The following CNTNAP2 variants were observed in gnomAD, a reference collection of about 807,000 sequenced individuals.
The protein encoded by CNTNAP2 is contactin associated protein 2, also known as contactin-associated protein-like 2.
CNTNAP2 carries 98 observed loss-of-function variants against 155.2 expected under a neutral mutation model. The observed-to-expected ratio is 0.63, with a 90% CI of 0.54 to 0.75. The LOEUF (loss-of-function observed/expected upper bound fraction) is 0.75, where lower values mean the gene tolerates loss of function less well. Among genes scored for constraint, CNTNAP2 ranks in the 30% least tolerant of loss-of-function variants. The probability of loss-of-function intolerance (pLI) is 0.00; values close to 1 mark genes in which losing one functional copy is unlikely to be tolerated. For missense variants in CNTNAP2, 1,727 were observed against 1,688.1 expected, an observed-to-expected ratio of 1.02 and a Z score of -0.40; for synonymous variants, 651 against 631.2, an observed-to-expected ratio of 1.03 and a Z score of -0.47.
At chr7:147,874,232 G>C (rs763265726) in intron 13 of CNTNAP2, among the ~76,000 whole-genome samples, 1 of 152,196 alleles carries the variant, frequency 6.6e-6, no homozygotes, top group Non-Finnish European at 1.5e-5. Flanking sequence ...AACTCTGTGT[G>C]GGGGGTTCCA....
At chr7:147,524,035 T>C (rs1409124266) in intron 11 of CNTNAP2, among the ~76,000 whole-genome samples, 1 of 152,160 alleles carries the variant, frequency 6.6e-6, no homozygotes, top group African/African-American at 2.4e-5. Context: ...ACAGATGACT[T>C]CGGAATGTGT....
intron 10 of CNTNAP2, among the ~76,000 whole-genome samples, chr7:147,458,358 C>A (rs933050798): frequency 6.6e-6 from 1 of 151,946 alleles, no homozygotes; most frequent in South Asian, 2.1e-4. Context: ...AATCAAATTG[C>A]AAGCTCTTGA....
At chr7:146,254,888 T>TA (rs149025360) in intron 1 of CNTNAP2, among the ~76,000 whole-genome samples, 3,035 of 151,734 alleles carry the variant, frequency 0.02, 87 homozygotes, top group African/African-American at 0.067. Flanking sequence ...TGGTATCATT[T>TA]AAAAAAAATA....
chr7:146,914,788 A>G (rs1796361186), intron 3 of CNTNAP2, among the ~76,000 whole-genome samples: 1 of 152,018 alleles, frequency 6.6e-6, no homozygotes, highest in African/African-American at 2.4e-5. Context: ...CTGTGCAGAA[A>G]GAAGCTCTTT....
intron 3 of CNTNAP2, among the ~76,000 whole-genome samples, chr7:147,042,409 A>G (rs999412605): frequency 6.6e-6 from 1 of 152,282 alleles, no homozygotes; most frequent in Non-Finnish European, 1.5e-5. Flanking sequence ...TAGGCCTTAC[A>G]TTACACATTT....
At chr7:146,631,109 C>G (rs1234830473) in intron 1 of CNTNAP2, among the ~76,000 whole-genome samples, 3 of 152,066 alleles carry the variant, frequency 2.0e-5, no homozygotes, top group Admixed American at 6.6e-5. Context: ...CAAGACAATC[C>G]TAAGCAAAAA....
At chr7:146,917,156 A>C (rs576861857) in intron 3 of CNTNAP2, among the ~76,000 whole-genome samples, 1 of 152,194 alleles carries the variant, frequency 6.6e-6, no homozygotes, top group African/African-American at 2.4e-5. Flanking sequence ...TTGATTTCAA[A>C]TTTTATTCCA....
At chr7:148,234,924 A>G (rs1192939572) in intron 20 of CNTNAP2, among the ~76,000 whole-genome samples, 1 of 152,212 alleles carries the variant, frequency 6.6e-6, no homozygotes, top group African/African-American at 2.4e-5. Flanking sequence ...ACAGATGGTA[A>G]GGATGTATCA....
At chr7:147,614,675 A>G (rs1292380131) in intron 12 of CNTNAP2, among the ~76,000 whole-genome samples, 1 of 151,744 alleles carries the variant, frequency 6.6e-6, no homozygotes, top group Non-Finnish European at 1.5e-5. Flanking sequence ...AATGTTGACT[A>G]GAAACAGTGA....
chr7:147,202,210 G>C (rs1162895600), intron 8 of CNTNAP2, among the ~76,000 whole-genome samples: 1 of 147,656 alleles, frequency 6.8e-6, no homozygotes, highest in Non-Finnish European at 1.5e-5. Context: ...TAATAAAATA[G>C]TCTAACATCC....
chr7:146,959,458 A>T (rs936457499), intron 3 of CNTNAP2, among the ~76,000 whole-genome samples: 53 of 152,028 alleles, frequency 3.5e-4, no homozygotes, highest in Admixed American at 3.5e-3. Context: ...GGTGGCTCAC[A>T]TCTGTAATCC....
At chr7:147,644,022 G>A (rs1795326665) in intron 13 of CNTNAP2, among the ~76,000 whole-genome samples, 1 of 152,050 alleles carries the variant, frequency 6.6e-6, no homozygotes, top group Admixed American at 6.5e-5. Context: ...CAGTATTTAT[G>A]GTCATGTCCA....
chr7:146,479,367 C>T (rs1796925900), intron 1 of CNTNAP2, among the ~76,000 whole-genome samples: 1 of 152,138 alleles, frequency 6.6e-6, no homozygotes, highest in South Asian at 2.1e-4. Context: ...TATATATTGA[C>T]ATTTCTTATT....
At chr7:148,298,004 G>A (rs1797316105) in intron 21 of CNTNAP2, among the ~76,000 whole-genome samples, 1 of 152,090 alleles carries the variant, frequency 6.6e-6, no homozygotes. Context: ...ACAAAAACAC[G>A]ATCACCAAAG....
chr7:147,781,896 G>C (rs535011446), intron 13 of CNTNAP2, among the ~76,000 whole-genome samples: 1 of 152,050 alleles, frequency 6.6e-6, no homozygotes, highest in Admixed American at 6.6e-5. Flanking sequence ...GGCGGCGGGC[G>C]CCTGTAGTCC....
chr7:147,510,316 A>G (rs1405827749), intron 11 of CNTNAP2, among the ~76,000 whole-genome samples: 2 of 152,152 alleles, frequency 1.3e-5, no homozygotes, highest in African/African-American at 4.8e-5. Context: ...TATCCTTGCC[A>G]TGTAAGCCAC....
At chr7:148,226,276 TG>T (rs2116772746) in intron 19 of CNTNAP2, among the ~76,000 whole-genome samples, 1 of 152,172 alleles carries the variant, frequency 6.6e-6, no homozygotes, top group East Asian at 1.9e-4. Flanking sequence ...TGGTGTCTGA[TG>T]GGCATACACC....
At chr7:146,758,025 T>G (rs1345502284) in intron 1 of CNTNAP2, among the ~76,000 whole-genome samples, 1 of 152,198 alleles carries the variant, frequency 6.6e-6, no homozygotes, top group Non-Finnish European at 1.5e-5. Flanking sequence ...CAGTGTTTAT[T>G]TTTTGTAATG....
At chr7:147,487,960 T>A (rs894881483) in intron 11 of CNTNAP2, among the ~76,000 whole-genome samples, 1 of 152,156 alleles carries the variant, frequency 6.6e-6, no homozygotes. Flanking sequence ...TGTTGTCTTC[T>A]CCAAATGAAG....
Sources: gnomAD v4.1 joint callset for allele counts (sites outside exome capture counted in the v4.1 genomes callset) on GRCh38, gnomAD v4.1.1 for gene constraint, MANE v1.5 for transcripts, NCBI Gene and HGNC (gene_info 2026-07-23, HGNC 2026-07-21) for gene names.